Variants in IDE observed in about 807,000 individuals in gnomAD.
IDE encodes the protein insulin-degrading enzyme.
A neutral mutation model predicts 133.2 loss-of-function variants in IDE; 58 were observed. The observed-to-expected ratio is 0.44, with a 90% CI of 0.35 to 0.54. IDE has a LOEUF of 0.54. IDE is among the 20% of genes least tolerant of loss of function. The pLI, the probability that IDE is intolerant of heterozygous loss-of-function variation, is 0.00. For synonymous variants in IDE, 396 were observed against 421.3 expected (o/e 0.94, Z 0.73); for missense variants, 981 against 1,234.0 (o/e 0.79, Z 3.07).
intron 14 of IDE, among the ~76,000 whole-genome samples, chr10:92,481,648 T>C (rs1173036769): frequency 1.3e-5 from 2 of 152,200 alleles, no homozygotes; most frequent in Non-Finnish European, 2.9e-5. Context: ...ACACATAATA[T>C]AATCTTATTT....
At chr10:92,505,017 T>C (rs1194516418) in intron 10 of IDE, 120 bp from the exon 11 acceptor site, 1 of 538,390 alleles carries the variant, frequency 1.9e-6, no homozygotes, top group Non-Finnish European at 3.2e-6. Context: ...AGTTAAATTT[T>C]ACTCCATTGG....
chr10:92,468,094 A>G (rs1845785197), intron 19 of IDE, among the ~76,000 whole-genome samples: 1 of 152,150 alleles, frequency 6.6e-6, no homozygotes, highest in African/African-American at 2.4e-5. Context: ...TTTTAGAAAA[A>G]GTTTAGTGGA....
chr10:92,488,507 G>A (rs1847140519), intron 12 of IDE, among the ~76,000 whole-genome samples: 1 of 152,134 alleles, frequency 6.6e-6, no homozygotes, highest in African/African-American at 2.4e-5. Flanking sequence ...GCCAGGCGCG[G>A]TGGCTCACGC....
intron 22 of IDE, among the ~76,000 whole-genome samples, chr10:92,458,657 A>G (rs534440964): frequency 1.3e-4 from 19 of 151,770 alleles, no homozygotes; most frequent in Non-Finnish European, 2.4e-4. Context: ...GTGCACCACC[A>G]CGCCTGGCTA....
intron 13 of IDE, among the ~76,000 whole-genome samples, chr10:92,484,827 G>A (rs1463743286): frequency 6.6e-6 from 1 of 152,008 alleles, no homozygotes; most frequent in African/African-American, 2.4e-5. Flanking sequence ...GAAGGCTGAG[G>A]CAGGATCGCT....
At chr10:92,517,418 TTTTG>T (rs754599064) in intron 4 of IDE, among the ~76,000 whole-genome samples, 1 of 152,128 alleles carries the variant, frequency 6.6e-6, no homozygotes, top group South Asian at 2.1e-4. Flanking sequence ...TTGTTCTTGT[TTTTG>T]TTTAAGATAG....
intron 20 of IDE, 114 bp from the exon 21 acceptor site, chr10:92,464,117 T>A: frequency 9.7e-7 from 1 of 1,027,094 alleles, no homozygotes; most frequent in Non-Finnish European, 1.4e-6. Flanking sequence ...GGTTTTAGAG[T>A]ATTCACCTCT....
intron 12 of IDE, among the ~76,000 whole-genome samples, chr10:92,489,808 A>G (rs1417691840): frequency 6.6e-6 from 1 of 152,222 alleles, no homozygotes; most frequent in East Asian, 1.9e-4. Flanking sequence ...CATTTTTAAA[A>G]TGTCCATTAC....
At chr10:92,493,348 T>C (rs1472052559) in intron 11 of IDE, among the ~76,000 whole-genome samples, 5 of 151,984 alleles carry the variant, frequency 3.3e-5, no homozygotes, top group African/African-American at 1.2e-4. Flanking sequence ...TAGAAGAATC[T>C]GGCAGATGGT....
chr10:92,497,443 T>C (rs1301769544), intron 11 of IDE, among the ~76,000 whole-genome samples: 2 of 152,206 alleles, frequency 1.3e-5, no homozygotes, highest in Admixed American at 6.5e-5. Context: ...AGATACACAG[T>C]ACCATACTAC....
rs1420019228 is a variant in IDE at position 92,531,917 on chromosome 10, C to A, written c.492G>T (p.Arg164Ser). The stretch of plus-strand genomic sequence containing the variant: ...AGGGGCACAGAAAAAACTGTGCAAA[C>A]CTAAGGGTACGAAACATAATTAAAA... Reference protein sequence around the residue: ...SHEHLEGALDRFAQFFLCPLF... With the variant: ...SHEHLEGALDSFAQFFLCPLF... Residue 164 changes from arginine to serine, a missense_variant and splice_region_variant, in exon 4 of 25, where the codon AGG becomes AGT. Coordinates refer to ENST00000265986, the MANE Select transcript of IDE (RefSeq NM_004969.4). 6.6e-7 allele frequency: 1 copy of A among 1,524,422 alleles called. No individual in the cohort carries two copies. Among genetic ancestry groups the A allele is most frequent in the Non-Finnish European group, 8.9e-7 (1 of 1,128,758 alleles). 94.4% of individuals were successfully genotyped at this position (1,524,422 alleles called of 1,614,324 possible).
intron 14 of IDE, 60 bp downstream of exon 14, chr10:92,483,195 C>T: frequency 1.2e-6 from 1 of 832,716 alleles, no homozygotes; most frequent in Non-Finnish European, 2.0e-6. Context: ...GAACAGACAA[C>T]TCCTGGAAAC....
At chr10:92,529,707 T>C (rs1328050618) in intron 4 of IDE, among the ~76,000 whole-genome samples, 1 of 151,832 alleles carries the variant, frequency 6.6e-6, no homozygotes, top group African/African-American at 2.4e-5. Flanking sequence ...AGACCCCACC[T>C]CTACAGGAAA....
intron 13 of IDE, 30 bp from the exon 14 acceptor site, chr10:92,483,367 A>C (rs1451330238): frequency 4.0e-6 from 5 of 1,241,878 alleles, no homozygotes; most frequent in Non-Finnish European, 4.7e-6. Context: ...TGGTTAGGGA[A>C]ATAGAGGCGC....
At chr10:92,461,309 C>T (rs1292478073) in intron 21 of IDE, 57 bp from the exon 22 acceptor site, 2 of 829,612 alleles carry the variant, frequency 2.4e-6, no homozygotes, top group African/African-American at 3.3e-5. Flanking sequence ...CAGCCCAGAA[C>T]AGTACACTAA....
At chr10:92,505,295 C>T (rs1848236729) in intron 10 of IDE, among the ~76,000 whole-genome samples, 1 of 152,126 alleles carries the variant, frequency 6.6e-6, no homozygotes, top group Non-Finnish European at 1.5e-5. Context: ...AACAGAATTT[C>T]CTCCTAAATT....
intron 22 of IDE, among the ~76,000 whole-genome samples, chr10:92,460,842 G>A (rs1845342004): frequency 2.0e-5 from 3 of 152,138 alleles, no homozygotes; most frequent in African/African-American, 7.2e-5. Flanking sequence ...ACATACAATA[G>A]GTGTTTTGGT....
At chr10:92,510,782 ATC>A (rs1196193393) in intron 5 of IDE, among the ~76,000 whole-genome samples, 3 of 42,058 alleles carry the variant, frequency 7.1e-5, no homozygotes, top group East Asian at 1.3e-3. Context: ...TAGCACATAC[ATC>A]TCACATGATA....
chr10:92,558,954 C>T (rs1206614416), intron 1 of IDE: 1 of 146,166 alleles, frequency 6.8e-6, no homozygotes, highest in Non-Finnish European at 1.5e-5. Flanking sequence ...ACCCAATTAA[C>T]AAATAGAAAA....
Sources: allele counts gnomAD v4.1 joint callset (sites outside exome capture counted in the v4.1 genomes callset), GRCh38; gene constraint gnomAD v4.1.1; transcripts MANE v1.5; gene names NCBI Gene and HGNC (gene_info 2026-07-23, HGNC 2026-07-21).